GALNTL6: variants seen among roughly 807,000 people sequenced by gnomAD.
The protein encoded by GALNTL6 is polypeptide N-acetylgalactosaminyltransferase-like 6.
A neutral mutation model predicts 73.7 loss-of-function variants in GALNTL6; 46 were observed. That is an observed-to-expected ratio of 0.62 (90% confidence interval 0.49 to 0.80). The LOEUF (loss-of-function observed/expected upper bound fraction) is 0.80, where lower values mean the gene tolerates loss of function less well. GALNTL6 is among the 30% of genes least tolerant of loss of function. The pLI, the probability that GALNTL6 is intolerant of heterozygous loss-of-function variation, is 0.00. For synonymous variants in GALNTL6, 259 were observed against 263.7 expected, an observed-to-expected ratio of 0.98 and a Z score of 0.17; for missense variants, 604 against 755.0, an observed-to-expected ratio of 0.80 and a Z score of 2.34.
At chr4:172,318,952 A>G (rs1011540736) in intron 4 of GALNTL6, among the ~76,000 whole-genome samples, 18 of 152,198 alleles carry the variant, frequency 1.2e-4, no homozygotes, top group African/African-American at 4.1e-4. Context: ...CAATAGATTC[A>G]TAATTTTGAC....
chr4:172,170,656 G>A (rs761811118), intron 2 of GALNTL6, among the ~76,000 whole-genome samples: 6 of 151,936 alleles, frequency 3.9e-5, no homozygotes, highest in Non-Finnish European at 8.8e-5. Flanking sequence ...GGGACTACCG[G>A]CATTCCACCA....
At chr4:171,919,587 G>T (rs754543489) in intron 2 of GALNTL6, among the ~76,000 whole-genome samples, 1 of 151,920 alleles carries the variant, frequency 6.6e-6, no homozygotes, top group East Asian at 1.9e-4. Flanking sequence ...ATACTTATAG[G>T]CACCTGAAAG....
intron 5 of GALNTL6, among the ~76,000 whole-genome samples, chr4:172,379,531 C>T (rs2048188): frequency 0.2 from 12,431 of 61,420 alleles, 723 homozygotes; most frequent in East Asian, 0.37. Context: ...AGCGAGACTC[C>T]GTCTCAAAAA....
intron 2 of GALNTL6, among the ~76,000 whole-genome samples, chr4:171,872,391 C>T (rs78178538): frequency 8.3e-4 from 127 of 152,118 alleles, no homozygotes; most frequent in African/African-American, 2.7e-3. Context: ...AAAATCGTTC[C>T]TAAGAAAAGT....
At chr4:172,426,773 T>G (rs1373434654) in intron 5 of GALNTL6, among the ~76,000 whole-genome samples, 2 of 152,042 alleles carry the variant, frequency 1.3e-5, no homozygotes, top group Non-Finnish European at 2.9e-5. Context: ...TTTCCTCTAG[T>G]AAAAATAGCA....
intron 5 of GALNTL6, among the ~76,000 whole-genome samples, chr4:172,714,809 C>T (rs2111336821): frequency 6.6e-6 from 1 of 152,084 alleles, no homozygotes; most frequent in East Asian, 1.9e-4. Context: ...AGCGTAAGGG[C>T]TATGCCATCT....
intron 2 of GALNTL6, among the ~76,000 whole-genome samples, chr4:172,128,212 G>T (rs1308834274): frequency 6.6e-6 from 1 of 152,052 alleles, no homozygotes; most frequent in East Asian, 1.9e-4. Context: ...ACAGCTTACT[G>T]ATCAAAGATG....
intron 7 of GALNTL6, among the ~76,000 whole-genome samples, chr4:172,827,194 C>G (rs988658685): frequency 1.3e-5 from 2 of 152,154 alleles, no homozygotes; most frequent in Non-Finnish European, 2.9e-5. Flanking sequence ...CCAAGAGGCC[C>G]GGTTGCAGGC....
chr4:172,059,950 C>T lies in GALNTL6; in HGVS notation c.139-169706C>T, dbSNP rs184479419. 3.7e-4 allele frequency among the ~76,000 whole-genome samples: 56 copies of T among 152,118 alleles called. 1 individual carries two copies. The Middle Eastern group carries it at 0.014, about 37-fold the overall frequency. On this transcript the variant is annotated intron_variant, in intron 2 of 12. Coordinates refer to ENST00000506823, the MANE Select transcript of GALNTL6 (RefSeq NM_001034845.3). ...GAAGGGCACAGGGCTCCCAGGAAGC[C>T]CAGAAGGAGAGGCCTCAAAAGAAGA... is the stretch of plus-strand genomic sequence containing the variant.
At chr4:172,682,788 T>C (rs1225022605) in intron 5 of GALNTL6, among the ~76,000 whole-genome samples, 1 of 152,074 alleles carries the variant, frequency 6.6e-6, no homozygotes, top group Non-Finnish European at 1.5e-5. Flanking sequence ...ACCTGGTCAG[T>C]TCCAGGAAGT....
intron 5 of GALNTL6, among the ~76,000 whole-genome samples, chr4:172,405,433 ATATATATATATTTTTTTTTTTT>A (rs1214076714): frequency 7.9e-3 from 51 of 6,416 alleles, no homozygotes; most frequent in African/African-American, 0.012. Flanking sequence ...ATATATATAT[ATATATATATATTTTTTTTTTTT>A]TTTTTTTTTT....
chr4:172,057,286 T>C (rs114931286), intron 2 of GALNTL6, among the ~76,000 whole-genome samples: 2 of 151,862 alleles, frequency 1.3e-5, no homozygotes, highest in African/African-American at 2.4e-5. Context: ...TAGTGGTGCA[T>C]GCATATACTC....
intron 3 of GALNTL6, among the ~76,000 whole-genome samples, chr4:172,243,241 C>G (rs988424516): frequency 6.6e-6 from 1 of 152,144 alleles, no homozygotes; most frequent in Non-Finnish European, 1.5e-5. Context: ...ACCTACTCTC[C>G]CCTTCCTTAA....
chr4:171,944,188 T>C (rs1222502695), intron 2 of GALNTL6, among the ~76,000 whole-genome samples: 1 of 152,042 alleles, frequency 6.6e-6, no homozygotes, highest in Non-Finnish European at 1.5e-5. Context: ...AATTTTGATT[T>C]ATAGGAAGAT....
chr4:172,993,269 G>A (rs191341800), intron 10 of GALNTL6, among the ~76,000 whole-genome samples: 1 of 152,348 alleles, frequency 6.6e-6, no homozygotes, highest in African/African-American at 2.4e-5. Flanking sequence ...AAAAGGCTAT[G>A]TAGGGACACA....
intron 2 of GALNTL6, among the ~76,000 whole-genome samples, chr4:171,955,844 C>G (rs1739028656): frequency 6.6e-6 from 1 of 152,094 alleles, no homozygotes; most frequent in Non-Finnish European, 1.5e-5. Context: ...ATTCAACATA[C>G]TCTTAACTTG....
chr4:172,054,827 A>G (rs1379086733), intron 2 of GALNTL6, among the ~76,000 whole-genome samples: 2 of 152,204 alleles, frequency 1.3e-5, no homozygotes, highest in Non-Finnish European at 2.9e-5. Context: ...GAAACAAATG[A>G]GAAGTCGTGC....
chr4:172,665,644 A>G (rs916350824), intron 5 of GALNTL6, among the ~76,000 whole-genome samples: 7 of 152,220 alleles, frequency 4.6e-5, no homozygotes, highest in African/African-American at 9.6e-5. Flanking sequence ...CCTTTCACAT[A>G]ATAATCATTA....
At chr4:172,742,933 T>C (rs561580923) in intron 5 of GALNTL6, among the ~76,000 whole-genome samples, 1 of 152,134 alleles carries the variant, frequency 6.6e-6, no homozygotes, top group Admixed American at 6.6e-5. Flanking sequence ...TTTTACTTAA[T>C]GATCGATAGC....
Sources: gnomAD v4.1 joint callset for allele counts (sites outside exome capture counted in the v4.1 genomes callset) on GRCh38, gnomAD v4.1.1 for gene constraint, MANE v1.5 for transcripts, NCBI Gene and HGNC (gene_info 2026-07-23, HGNC 2026-07-21) for gene names.